The following FMN1 variants were observed in gnomAD, a reference collection of about 807,000 sequenced individuals.
The protein encoded by FMN1 is formin-1.
In FMN1, 110 loss-of-function variants were observed where a neutral mutation model predicts 132.4. The observed-to-expected ratio is 0.83, with a 90% CI of 0.71 to 0.97. The LOEUF (loss-of-function observed/expected upper bound fraction) is 0.97. Ranked by LOEUF, FMN1 falls within the 50% of genes least tolerant of loss-of-function variation. The pLI is 0.00. For missense variants in FMN1, 1,792 were observed against 1,705.3 expected, an observed-to-expected ratio of 1.05 and a Z score of -0.90; for synonymous variants, 722 against 651.7, an observed-to-expected ratio of 1.11 and a Z score of -1.64.
intron 6 of FMN1, among the ~76,000 whole-genome samples, chr15:33,053,387 T>A (rs2037068950): frequency 1.3e-5 from 2 of 152,210 alleles, no homozygotes; most frequent in Non-Finnish European, 2.9e-5. Flanking sequence ...GCTCCTATGT[T>A]GGCACTTGGA....
intron 10 of FMN1, 91 bp from the exon 11 acceptor site, chr15:32,910,626 A>C: frequency 1.1e-6 from 1 of 949,590 alleles, no homozygotes; most frequent in South Asian, 1.4e-5. Flanking sequence ...CAAGCAATTA[A>C]CAGAGTATTG....
At chr15:32,860,675 C>T (rs2059248298) in intron 16 of FMN1, 1 of 152,102 alleles carries the variant, frequency 6.6e-6, no homozygotes, top group Admixed American at 6.5e-5. Context: ...AATATATATA[C>T]ATACATATTA....
At chr15:33,085,653 G>C (rs1272558509) in intron 5 of FMN1, among the ~76,000 whole-genome samples, 1 of 150,882 alleles carries the variant, frequency 6.6e-6, no homozygotes, top group Non-Finnish European at 1.5e-5. Context: ...TTTTCATCTA[G>C]TGATAAATAT....
chr15:33,140,942 C>G (rs1038270111), intron 4 of FMN1, among the ~76,000 whole-genome samples: 9 of 152,150 alleles, frequency 5.9e-5, no homozygotes, highest in Non-Finnish European at 1.3e-4. Flanking sequence ...ATACTGAATT[C>G]ATCATTCAAA....
rs1052711574 is a variant in FMN1, at chr15:32,770,581, C to A, written c.*3729G>T. On this transcript the variant is annotated 3_prime_UTR_variant, in exon 21 of 21. Transcript: ENST00000616417. ...TTCCTTCCTTCAGTTTTTCCAGTTT[C>A]TTTACCAGCAGTATCTGAACTTTTC... The A allele has an allele frequency of 1.3e-5, 2 of 152,074 alleles. No homozygotes were observed. The highest frequency in any genetic ancestry group is 2.4e-5 in the African/African-American group (1 of 41,418). 9.4% of individuals were successfully genotyped at this position (152,074 alleles called of 1,614,324 possible).
At chr15:33,172,295 C>T (rs1321548965) in intron 3 of FMN1, among the ~76,000 whole-genome samples, 1 of 151,982 alleles carries the variant, frequency 6.6e-6, no homozygotes, top group Non-Finnish European at 1.5e-5. Context: ...GATGTAATTA[C>T]TAAAGTACTA....
intron 7 of FMN1, among the ~76,000 whole-genome samples, chr15:32,981,284 G>A (rs887292588): frequency 3.9e-5 from 6 of 151,944 alleles, no homozygotes; most frequent in Non-Finnish European, 8.8e-5. Flanking sequence ...GAGGTCAGGA[G>A]ATTGAGACCA....
intron 12 of FMN1, chr15:32,908,129 G>C (rs2060471214): frequency 1.1e-5 from 2 of 180,860 alleles, no homozygotes; most frequent in Non-Finnish European, 1.2e-5. Flanking sequence ...CTGTGACTCT[G>C]ATATCATCTT....
At chr15:33,073,644 G>A (rs570585860) in intron 5 of FMN1, among the ~76,000 whole-genome samples, 1 of 151,920 alleles carries the variant, frequency 6.6e-6, no homozygotes, top group East Asian at 1.9e-4. Context: ...CATATAAAAG[G>A]AGTACAAGAT....
At chr15:32,885,476 C>T (rs915415149) in intron 16 of FMN1, among the ~76,000 whole-genome samples, 1 of 152,162 alleles carries the variant, frequency 6.6e-6, no homozygotes, top group Non-Finnish European at 1.5e-5. Flanking sequence ...TTGACTAGAT[C>T]ATCACCTCTG....
intron 8 of FMN1, among the ~76,000 whole-genome samples, chr15:32,965,515 A>T (rs2031126924): frequency 6.6e-6 from 1 of 152,192 alleles, no homozygotes; most frequent in South Asian, 2.1e-4. Flanking sequence ...ATATAGCTTT[A>T]TTTCCATACC....
intron 17 of FMN1, among the ~76,000 whole-genome samples, chr15:32,823,388 T>C (rs541858247): frequency 6.6e-6 from 1 of 151,966 alleles, no homozygotes; most frequent in South Asian, 2.1e-4. Flanking sequence ...AAGGTCTCGA[T>C]CTCCTGACCT....
Position 32,776,905 on chromosome 15 carries a change from T to C in FMN1, c.4145A>G (p.Gln1382Arg). Residue 1382 changes from glutamine to arginine, a missense_variant, in exon 20 of 21, where the codon CAG becomes CGG. This residue lies in a region of FMN1 where 1,150 missense variants were observed against 1,043.1 expected (regional missense o/e 1.10). Transcript: ENST00000616417. The part of the protein sequence containing the change: ...NISKERLKMA[Q>R]ESVSKLTSEK... ...TGAAGTCAACTTGCTGACTGATTCCTGAGCCATTTTCAATCTGAAATAGAA... is the reference window on the plus strand; with the variant it reads ...TGAAGTCAACTTGCTGACTGATTCCCGAGCCATTTTCAATCTGAAATAGAA... 6.3e-7 allele frequency: 1 copy of C among 1,587,222 alleles called. No homozygotes were observed. The highest frequency in any genetic ancestry group is 8.6e-7 in the Non-Finnish European group (1 of 1,163,190).
At chr15:32,848,988 T>G (rs1053650643) in intron 17 of FMN1, among the ~76,000 whole-genome samples, 19 of 136,956 alleles carry the variant, frequency 1.4e-4, no homozygotes, top group African/African-American at 4.4e-4. Flanking sequence ...TTTTTTTTTT[T>G]TTTTTTTTTT....
chr15:33,066,726 G>C (rs764080970), intron 5 of FMN1: 2 of 1,613,864 alleles, frequency 1.2e-6, no homozygotes, highest in Non-Finnish European at 1.7e-6. Flanking sequence ...CCCTGGGTTT[G>C]TGGTACTCCA....
chr15:33,190,703 C>T (rs1414368952), intron 2 of FMN1, among the ~76,000 whole-genome samples: 1 of 152,160 alleles, frequency 6.6e-6, no homozygotes, highest in Non-Finnish European at 1.5e-5. Flanking sequence ...AACTAGAGCA[C>T]TCATACTGGA....
At chr15:32,904,968 T>C (rs1366589900) in intron 12 of FMN1, among the ~76,000 whole-genome samples, 1 of 152,206 alleles carries the variant, frequency 6.6e-6, no homozygotes, top group Non-Finnish European at 1.5e-5. Context: ...TGGGCCTTGG[T>C]ACTTCTGAAT....
At chr15:32,903,491 C>T (rs778618206) in intron 12 of FMN1, among the ~76,000 whole-genome samples, 22 of 152,162 alleles carry the variant, frequency 1.4e-4, no homozygotes, top group Non-Finnish European at 5.9e-5. Context: ...CGTATTTATT[C>T]AGATGCTGAG....
chr15:32,823,322 C>T (rs1244310768), intron 17 of FMN1, among the ~76,000 whole-genome samples: 1 of 151,894 alleles, frequency 6.6e-6, no homozygotes, highest in Non-Finnish European at 1.5e-5. Flanking sequence ...CCACCATGCC[C>T]AGTTAATTTC....
Sources: allele counts gnomAD v4.1 joint callset (sites outside exome capture counted in the v4.1 genomes callset), GRCh38; gene constraint gnomAD v4.1.1; regional missense constraint gnomAD v4.1.1; transcripts MANE v1.5; gene names NCBI Gene and HGNC (gene_info 2026-07-23, HGNC 2026-07-21).